Variants in CADPS observed in about 807,000 individuals in gnomAD.
CADPS encodes the protein calcium dependent secretion activator.
A neutral mutation model predicts 167.3 loss-of-function variants in CADPS; 57 were observed. That is an observed-to-expected ratio of 0.34 (90% CI 0.28 to 0.42). The LOEUF (loss-of-function observed/expected upper bound fraction) is 0.42, where lower values mean the gene tolerates loss of function less well. Ranked by LOEUF, CADPS falls within the 20% of genes least tolerant of loss-of-function variation. CADPS has a pLI of 1.00. For missense variants in CADPS, 1,414 were observed against 1,738.1 expected, an observed-to-expected ratio of 0.81 and a Z score of 3.32; for synonymous variants, 676 against 635.3, an observed-to-expected ratio of 1.06 and a Z score of -0.96.
intron 1 of CADPS, among the ~76,000 whole-genome samples, chr3:62,821,521 C>T (rs1480797095): frequency 6.6e-6 from 1 of 152,170 alleles, no homozygotes; most frequent in Non-Finnish European, 1.5e-5. Flanking sequence ...AGCACATCTC[C>T]AGTCTCTGCC....
At chr3:62,469,003 CTAT>C (rs2060261591) in intron 24 of CADPS, among the ~76,000 whole-genome samples, 1 of 152,166 alleles carries the variant, frequency 6.6e-6, no homozygotes, top group Non-Finnish European at 1.5e-5. Flanking sequence ...ACTACTACTA[CTAT>C]GATTAATAGA....
intron 1 of CADPS, among the ~76,000 whole-genome samples, chr3:62,838,362 G>C (rs1223166980): frequency 6.6e-6 from 1 of 152,174 alleles, no homozygotes; most frequent in African/African-American, 2.4e-5. Context: ...AGGCAGGAGG[G>C]AATGAGTATA....
chr3:62,679,932 C>A (rs1414575790), intron 3 of CADPS, among the ~76,000 whole-genome samples: 1 of 151,996 alleles, frequency 6.6e-6, no homozygotes, highest in Admixed American at 6.6e-5. Context: ...CCACTGGATG[C>A]AGAATCATTG....
At chr3:62,462,605 G>T (rs1035778191) in intron 26 of CADPS, among the ~76,000 whole-genome samples, 1 of 152,214 alleles carries the variant, frequency 6.6e-6, no homozygotes, top group Non-Finnish European at 1.5e-5. Context: ...TAAGTGCACA[G>T]TAATACTTAA....
In CADPS at chr3:62,499,174, C is replaced by T. The variant is rs768549479; in HGVS notation, c.2694G>A (p.Glu898=). Residue 898 remains glutamate (E), a synonymous_variant, in exon 18 of 30, where the codon GAG becomes GAA. Coordinates refer to ENST00000383710, the MANE Select transcript of CADPS (RefSeq NM_003716.4). The stretch of plus-strand genomic sequence containing the variant: ...CAAGCCTGCTCACCTCTGCGTGGTG[C>T]TCCTCATTTTGCTGAAGAACTTCAA... ...LVIEVLQQNE[E]HHAEPHVDKG... is the part of the protein sequence containing the mutation. The T allele has an allele frequency of 6.2e-7, 1 of 1,610,376 alleles. No homozygotes were observed. The highest frequency in any genetic ancestry group is 8.5e-7 in the Non-Finnish European group (1 of 1,176,640).
At chr3:62,426,465 C>T (rs959491786) in intron 28 of CADPS, among the ~76,000 whole-genome samples, 2 of 152,092 alleles carry the variant, frequency 1.3e-5, no homozygotes, top group African/African-American at 4.8e-5. Context: ...TGGTTTTTTA[C>T]ACCACTACCA....
chr3:62,518,799 T>G (rs141328266), intron 13 of CADPS, among the ~76,000 whole-genome samples: 2 of 152,072 alleles, frequency 1.3e-5, no homozygotes, highest in Non-Finnish European at 2.9e-5. Context: ...TCAGGTGACT[T>G]GTAAGTGTTT....
chr3:62,483,282 C>A (rs1344390570), intron 21 of CADPS, among the ~76,000 whole-genome samples: 1 of 142,234 alleles, frequency 7.0e-6, no homozygotes, highest in East Asian at 2.2e-4. Context: ...CTGGAGCTGC[C>A]TCTGGGCTTG....
intron 6 of CADPS, among the ~76,000 whole-genome samples, chr3:62,616,535 T>C (rs1280511345): frequency 2.6e-5 from 4 of 152,166 alleles, no homozygotes; most frequent in Admixed American, 6.5e-5. Context: ...TGGAGTTAAA[T>C]TGTAATTTGC....
At chr3:62,606,059 A>T (rs762735197) in intron 6 of CADPS, among the ~76,000 whole-genome samples, 2 of 151,874 alleles carry the variant, frequency 1.3e-5, no homozygotes, top group African/African-American at 2.4e-5. Flanking sequence ...CAATCCTCTT[A>T]TCTTCCTTCA....
intron 3 of CADPS, among the ~76,000 whole-genome samples, chr3:62,674,127 T>A (rs1269766522): frequency 6.6e-6 from 1 of 152,158 alleles, no homozygotes; most frequent in Non-Finnish European, 1.5e-5. Flanking sequence ...AATGTGTACG[T>A]GCATGCATGT....
At chr3:62,523,287 C>T (rs1278744225) in intron 13 of CADPS, among the ~76,000 whole-genome samples, 4 of 152,062 alleles carry the variant, frequency 2.6e-5, no homozygotes, top group South Asian at 2.1e-4. Flanking sequence ...TGCTTCTGAC[C>T]TGGAGTTTAT....
intron 3 of CADPS, among the ~76,000 whole-genome samples, chr3:62,679,450 G>C (rs1659633670): frequency 6.6e-6 from 1 of 151,982 alleles, no homozygotes; most frequent in Non-Finnish European, 1.5e-5. Context: ...TGAAGTCCCA[G>C]AGATGGGAGC....
In CADPS at chr3:62,819,209, G is replaced by GA. The variant is rs376174879; in HGVS notation, c.442-53226dup. Among the ~76,000 whole-genome samples, 37 of 152,104 alleles carry GA rather than the reference G, an allele frequency of 2.4e-4. 1 individual carries two copies. Among genetic ancestry groups the GA allele is most frequent in the African/African-American group, 8.2e-4 (34 of 41,498 alleles). ...ATTCTTCAATAAAGTAAAATTAAAT[G>GA]AAAAAATGTCCCCAAGCATAGTTAC... On this transcript the variant is annotated intron_variant, in intron 1 of 29. Coordinates refer to ENST00000383710, the MANE Select transcript of CADPS (RefSeq NM_003716.4).
At chr3:62,423,552 T>C (rs897568088) in intron 28 of CADPS, among the ~76,000 whole-genome samples, 1 of 152,238 alleles carries the variant, frequency 6.6e-6, no homozygotes, top group Admixed American at 6.5e-5. Flanking sequence ...TAAGATATTA[T>C]AGTTACATGG....
At chr3:62,403,800 G>A (rs1707307544) in intron 28 of CADPS, 1 of 152,072 alleles carries the variant, frequency 6.6e-6, no homozygotes, top group Admixed American at 6.5e-5. Context: ...CCCTTATATT[G>A]GCTGTGCAAT....
In CADPS at chr3:62,478,560, AGT is replaced by A; in HGVS notation, c.3174-146_3174-145del. 1.4e-6 allele frequency: 1 copy of A among 717,212 alleles called. No individual in the cohort carries two copies. Among genetic ancestry groups the A allele is most frequent in the Non-Finnish European group, 2.3e-6 (1 of 438,684 alleles). 44.4% of individuals were successfully genotyped at this position (717,212 alleles called of 1,614,324 possible). ...TGTGTTGGCGGTGGAGGCGGGGGCG[AGT>A]CTCCACCGGCAGATTTTGAGTTTTA... is the stretch of plus-strand genomic sequence containing the variant. On this transcript the variant is annotated intron_variant, in intron 22 of 29. Transcript: ENST00000383710. The surrounding 1 kb of genome is among the most constrained non-coding windows in gnomAD (Gnocchi z 5.7).
chr3:62,584,219 C>G (rs2084077671), intron 8 of CADPS, among the ~76,000 whole-genome samples: 3 of 152,022 alleles, frequency 2.0e-5, no homozygotes, highest in African/African-American at 7.2e-5. Context: ...GTTGGTCAGG[C>G]TGGTCTCAAA....
chr3:62,646,766 A>T (rs2068693691), intron 5 of CADPS, among the ~76,000 whole-genome samples: 1 of 152,194 alleles, frequency 6.6e-6, no homozygotes. Flanking sequence ...CCTTCCAGAA[A>T]ATGAAAAACT....
Sources: allele counts gnomAD v4.1 joint callset (sites outside exome capture counted in the v4.1 genomes callset), GRCh38; gene constraint gnomAD v4.1.1; non-coding constraint Gnocchi (gnomAD v3.1); transcripts MANE v1.5; gene names NCBI Gene and HGNC (gene_info 2026-07-23, HGNC 2026-07-21).